The following SP3 variants were observed in gnomAD, a reference collection of about 807,000 sequenced individuals.
The protein encoded by SP3 is transcription factor Sp3.
In SP3, 10 loss-of-function variants were observed where a neutral mutation model predicts 70.3. The observed-to-expected ratio is 0.14, with a 90% CI of 0.09 to 0.24. The LOEUF is 0.24. SP3 is among the 10% of genes least tolerant of loss of function. The probability of loss-of-function intolerance (pLI) is 1.00; values close to 1 mark genes in which losing one functional copy is unlikely to be tolerated. For missense variants in SP3, 825 were observed against 914.6 expected, an observed-to-expected ratio of 0.90 and a Z score of 1.26; for synonymous variants, 402 against 333.5, an observed-to-expected ratio of 1.21 and a Z score of -2.24.
At chr2:173,924,626 C>CAAAGAGGTT (rs1002385345) in intron 4 of SP3, among the ~76,000 whole-genome samples, 32 of 152,086 alleles carry the variant, frequency 2.1e-4, no homozygotes, top group Non-Finnish European at 2.8e-4. Context: ...GATGAGAAAA[C>CAAAGAGGTT]AAAGAGGTTA....
chr2:173,932,766 G>A lies in SP3; in HGVS notation c.1640-13981C>T, dbSNP rs6742056. 4.5e-3 allele frequency among the ~76,000 whole-genome samples: 686 copies of A among 152,236 alleles called. 6 individuals are homozygous for A. Among genetic ancestry groups the A allele is most frequent in the African/African-American group, 0.014 (593 of 41,528 alleles). ...CCAGCACTTTGGGAGGCCAAGGCAGGTGGATCACGAGGTCAGGAGATTGAG... is the reference window on the plus strand; with the variant it reads ...CCAGCACTTTGGGAGGCCAAGGCAGATGGATCACGAGGTCAGGAGATTGAG... On this transcript the variant is annotated intron_variant, in intron 4 of 6. Transcript: ENST00000310015.
At chr2:173,943,314 C>T (rs934259122) in intron 4 of SP3, among the ~76,000 whole-genome samples, 3 of 151,890 alleles carry the variant, frequency 2.0e-5, no homozygotes, top group Non-Finnish European at 2.9e-5. Flanking sequence ...ATTCCAGCCA[C>T]CTTGCTCATT....
chr2:173,914,826 A>T (rs1267038295), intron 5 of SP3: 1 of 152,186 alleles, frequency 6.6e-6, no homozygotes, highest in Admixed American at 6.5e-5. Flanking sequence ...ACCAAAGCCA[A>T]TATTGATTCC....
chr2:173,965,153 G>C lies in SP3; in HGVS notation c.7+12C>G. The C allele has an allele frequency of 6.5e-7, 1 of 1,546,936 alleles. No homozygotes were observed. Among genetic ancestry groups the C allele is most frequent in the Non-Finnish European group, 8.7e-7 (1 of 1,145,570 alleles). ...CGGCAGCAGCAAGGGTTGCTCTCTC[G>C]GCTTTACGTACCGGTCATAGTGTGT... On this transcript the variant is annotated intron_variant, in intron 1 of 6. Transcript: ENST00000310015.
At chr2:173,959,651 G>C (rs377132279) in intron 3 of SP3, among the ~76,000 whole-genome samples, 34 of 152,166 alleles carry the variant, frequency 2.2e-4, no homozygotes, top group African/African-American at 8.2e-4. Context: ...CTACTCTGGG[G>C]GCTGAGGCGG....
chr2:173,919,335 C>T (rs543183059), intron 4 of SP3, among the ~76,000 whole-genome samples: 1 of 152,288 alleles, frequency 6.6e-6, no homozygotes, highest in East Asian at 1.9e-4. Context: ...CAAATTCTCA[C>T]CATAAAATCA....
rs922357654 is a variant in SP3 at position 173,907,714 on chromosome 2, T to C, written c.*2227A>G. ...TTTGCTCAAGTGAACCACCTGCTGCTCACTTAATTCTCTTCACATTAATCT... is the reference window on the plus strand; with the variant it reads ...TTTGCTCAAGTGAACCACCTGCTGCCCACTTAATTCTCTTCACATTAATCT... On this transcript the variant is annotated 3_prime_UTR_variant, in exon 7 of 7. Coordinates refer to ENST00000310015, the MANE Select transcript of SP3 (RefSeq NM_003111.5). 12 of 152,154 alleles carry C rather than the reference T, an allele frequency of 7.9e-5. No individual in the cohort carries two copies. The highest frequency in any genetic ancestry group is 7.2e-4 in the Admixed American group (11 of 15,262). 9.4% of individuals were successfully genotyped at this position (152,154 alleles called of 1,614,324 possible). A position where few individuals can be genotyped will look rare whatever the true frequency, so the allele number is the denominator to read the frequency against.
intron 4 of SP3, among the ~76,000 whole-genome samples, chr2:173,920,847 T>G (rs970421566): frequency 6.6e-6 from 1 of 152,070 alleles, no homozygotes; most frequent in South Asian, 2.1e-4. Flanking sequence ...CACCTCAGCC[T>G]CCCAAAGTGC....
At chr2:173,952,128 C>A (rs1243825158) in intron 4 of SP3, among the ~76,000 whole-genome samples, 1 of 139,332 alleles carries the variant, frequency 7.2e-6, no homozygotes, top group African/African-American at 2.7e-5. Flanking sequence ...GAGGAAATAT[C>A]TGTCACTTAA....
chr2:173,953,027 G>A (rs958942994), intron 4 of SP3, among the ~76,000 whole-genome samples: 6 of 152,216 alleles, frequency 3.9e-5, no homozygotes, highest in Non-Finnish European at 7.3e-5. Flanking sequence ...TATAAAGAGT[G>A]AGTTTTACGG....
In SP3 at chr2:173,956,238, T is replaced by C. The variant is rs1288943969; in HGVS notation, c.280-6A>G. 3.2e-6 allele frequency: 5 copies of C among 1,567,602 alleles called. No homozygotes were observed. The highest frequency in any genetic ancestry group is 4.5e-5 in the East Asian group (2 of 44,332). On this transcript the variant is annotated splice_region_variant and splice_polypyrimidine_tract_variant and intron_variant, in intron 3 of 6. Transcript: ENST00000310015. ...GCAGAAGCCAAATCACCTGTCTGGA[T>C]GAAGAAAACAAAAAGGTGATATATT...
intron 4 of SP3, among the ~76,000 whole-genome samples, chr2:173,934,095 C>G (rs1301955649): frequency 1.3e-5 from 2 of 151,876 alleles, no homozygotes; most frequent in Non-Finnish European, 2.9e-5. Context: ...AAAAAATTAG[C>G]AAGGCACAGT....
At position 173,910,023 on chromosome 2, in the gene SP3, G is replaced by A; in HGVS notation, c.2264C>T (p.Ala755Val). 6.2e-7 allele frequency: 1 copy of A among 1,613,786 alleles called. No homozygotes were observed. ...VSGIGTVNTS[A>V]TSNQDILTNT... ...GGTAAGGATATCTTGATTGCTGGTG[G>A]CGGAAGTATTAACAGTTCCTATCCC... is the stretch of plus-strand genomic sequence containing the variant. Residue 755 changes from alanine (A) to valine (V), a missense_variant, in exon 7 of 7, where the codon GCC (alanine) becomes GTC (valine). Transcript: ENST00000310015.
In SP3 at chr2:173,956,192, T is replaced by C; in HGVS notation, c.320A>G (p.Asn107Ser). Residue 107 changes from asparagine to serine, a missense_variant, in exon 4 of 7, where the codon AAC becomes AGC. Physicochemically the swap from Asn to Ser is conservative, Grantham distance 46. Transcript: ENST00000310015. ...TGTGGCTGACAAAACCTCCCATCGG[T>C]TTGGTGCTCCTCCTAACTGTGCAGA... The part of the protein sequence containing the change: ...LASAQLGGAP[N>S]RWEVLSATPT... 1.2e-6 allele frequency: 2 copies of C among 1,613,646 alleles called. No individual in the cohort carries two copies. Among genetic ancestry groups the C allele is most frequent in the Non-Finnish European group, 1.7e-6 (2 of 1,179,744 alleles).
At position 173,903,127 on chromosome 2, in the gene SP3, T is replaced by G. The variant is rs894227036; in HGVS notation, c.*6814A>C. On this transcript the variant is annotated 3_prime_UTR_variant, in exon 7 of 7. Coordinates refer to ENST00000310015, the MANE Select transcript of SP3 (RefSeq NM_003111.5). Reference sequence around the variant, plus strand: ...GACTTAACAAGGTGAATTAACTCATTAATACAACAATAGTTGAAGACAACT... The same window carrying G: ...GACTTAACAAGGTGAATTAACTCATGAATACAACAATAGTTGAAGACAACT... Among the ~76,000 whole-genome samples, 11 of 152,198 alleles carry G rather than the reference T, an allele frequency of 7.2e-5. No individual in the cohort carries two copies. Among genetic ancestry groups the G allele is most frequent in the Admixed American group, 3.9e-4 (6 of 15,290 alleles).
In SP3 at chr2:173,954,874, T is replaced by C; in HGVS notation, c.1638A>G (p.Ala546=). 1 of 1,610,788 alleles carries C rather than the reference T, an allele frequency of 6.2e-7. No homozygotes were observed. Among genetic ancestry groups the C allele is most frequent in the Admixed American group, 1.7e-5 (1 of 59,982 alleles). ...GGCATGACATAACTTAAGACTCACC[T>C]GCAGGACTGTCAGCATTCTCTCCTG... ...LHPGENADSP[A]DIRIKEEEPD... is the part of the protein sequence containing the mutation. Residue 546 remains alanine (A), a splice_region_variant and synonymous_variant, in exon 4 of 7, where the codon GCA becomes GCG. Coordinates refer to ENST00000310015, the MANE Select transcript of SP3 (RefSeq NM_003111.5).
At position 173,902,605 on chromosome 2, in the gene SP3, T is replaced by TA. The variant is rs1387738592; in HGVS notation, c.*7335dup. Among the ~76,000 whole-genome samples the TA allele has an allele frequency of 1.3e-5, 2 of 152,218 alleles. No individual in the cohort carries two copies. The highest frequency in any genetic ancestry group is 6.5e-5 in the Admixed American group (1 of 15,278). On this transcript the variant is annotated 3_prime_UTR_variant, in exon 7 of 7. Transcript: ENST00000310015. Reference sequence around the variant, plus strand: ...CAAGAAGAAAATGGATACATTGTGATAAACTTATTCAATGAACTACAGCAT... The same window carrying TA: ...CAAGAAGAAAATGGATACATTGTGATAAAACTTATTCAATGAACTACAGCAT...
At chr2:173,932,617 G>A (rs1374501926) in intron 4 of SP3, among the ~76,000 whole-genome samples, 1 of 152,186 alleles carries the variant, frequency 6.6e-6, no homozygotes, top group Non-Finnish European at 1.5e-5. Context: ...CACCTTCTAT[G>A]GGTGCATGGT....
chr2:173,926,739 AC>A (rs1689920792), intron 4 of SP3, among the ~76,000 whole-genome samples: 1 of 152,206 alleles, frequency 6.6e-6, no homozygotes, highest in African/African-American at 2.4e-5. Flanking sequence ...AATTCTATTA[AC>A]TAAGTCATTC....
Sources: allele counts gnomAD v4.1 joint callset (sites outside exome capture counted in the v4.1 genomes callset), GRCh38; gene constraint gnomAD v4.1.1; transcripts MANE v1.5; gene names NCBI Gene and HGNC (gene_info 2026-07-23, HGNC 2026-07-21).